The following CSMD1 variants were observed in gnomAD, a reference collection of about 807,000 sequenced individuals.
The protein encoded by CSMD1 is CUB and sushi domain-containing protein 1.
Under a neutral mutation model 417.5 loss-of-function variants are expected in CSMD1, and 213 were observed. That is an observed-to-expected ratio of 0.51 (90% CI 0.46 to 0.57). The LOEUF (loss-of-function observed/expected upper bound fraction) is 0.57. CSMD1 is among the 20% of genes least tolerant of loss of function. CSMD1 has a pLI of 0.00. For synonymous variants in CSMD1, 2,862 were observed against 1,736.8 expected (o/e 1.65, Z -16.11); for missense variants, 6,923 against 4,529.7 (o/e 1.53, Z -15.17).
chr8:4,974,154 T>G (rs1203035951), intron 1 of CSMD1, among the ~76,000 whole-genome samples: 2 of 151,832 alleles, frequency 1.3e-5, no homozygotes, highest in African/African-American at 2.4e-5. Context: ...GTAGCTGAGA[T>G]TACAGGCACA....
chr8:4,564,811 G>C (rs1302354840), intron 2 of CSMD1, among the ~76,000 whole-genome samples: 2 of 152,162 alleles, frequency 1.3e-5, no homozygotes, highest in Non-Finnish European at 2.9e-5. Flanking sequence ...AAAATATTTA[G>C]CTTTTTCACT....
At chr8:4,044,456 G>T (rs905873949) in intron 3 of CSMD1, among the ~76,000 whole-genome samples, 3 of 152,070 alleles carry the variant, frequency 2.0e-5, no homozygotes, top group Non-Finnish European at 2.9e-5. Context: ...TGCTTAACTC[G>T]ATTTAACTGG....
chr8:3,753,695 G>A (rs1017206264), intron 6 of CSMD1, among the ~76,000 whole-genome samples: 12 of 152,244 alleles, frequency 7.9e-5, no homozygotes, highest in Admixed American at 7.8e-4. Flanking sequence ...TTAAAACTTA[G>A]CAATTGTTCC....
At chr8:4,847,441 T>G (rs1047222470) in intron 1 of CSMD1, among the ~76,000 whole-genome samples, 1 of 152,196 alleles carries the variant, frequency 6.6e-6, no homozygotes, top group Admixed American at 6.5e-5. Flanking sequence ...ACAGAAAAAT[T>G]GTGTAGATTG....
At chr8:3,991,440 G>C (rs913052536) in intron 5 of CSMD1, among the ~76,000 whole-genome samples, 1 of 152,124 alleles carries the variant, frequency 6.6e-6, no homozygotes, top group Non-Finnish European at 1.5e-5. Flanking sequence ...GGTAACATCA[G>C]CTTGTCATTC....
chr8:4,799,938 G>C (rs1394351756), intron 1 of CSMD1, among the ~76,000 whole-genome samples: 1 of 152,034 alleles, frequency 6.6e-6, no homozygotes, highest in East Asian at 1.9e-4. Flanking sequence ...AGCGATGCAT[G>C]TACCCTCGAA....
chr8:3,850,289 C>T lies in CSMD1; in HGVS notation c.819-96247G>A, dbSNP rs560015694. On this transcript the variant is annotated intron_variant, in intron 5 of 69. Coordinates refer to ENST00000635120, the MANE Select transcript of CSMD1 (RefSeq NM_033225.6). ...AGAATCAATATGTGCACAGTGTTCTCTATTTTGGTTTCAATAGCTTTGTTT... is the reference window on the plus strand; with the variant it reads ...AGAATCAATATGTGCACAGTGTTCTTTATTTTGGTTTCAATAGCTTTGTTT... Among the ~76,000 whole-genome samples the T allele has an allele frequency of 2.0e-5, 3 of 152,312 alleles. No homozygotes were observed. In the South Asian group the frequency reaches 6.2e-4, roughly 32 times the overall value.
intron 23 of CSMD1, among the ~76,000 whole-genome samples, chr8:3,314,339 G>A (rs1805588784): frequency 1.3e-5 from 2 of 152,084 alleles, no homozygotes; most frequent in South Asian, 4.1e-4. Context: ...CCATTTTAAT[G>A]TGAATTTAAG....
Position 3,442,434 on chromosome 8 carries a change from C to T in CSMD1, c.1561+26278G>A, listed in dbSNP as rs148294080. Among the ~76,000 whole-genome samples, 666 of 152,158 alleles carry T rather than the reference C, an allele frequency of 4.4e-3. 2 individuals are homozygous for T. The highest frequency in any genetic ancestry group is 0.034 in the Middle Eastern group (10 of 294). On this transcript the variant is annotated intron_variant, in intron 12 of 69. Transcript: ENST00000635120. ...ATGGTAAGTACCTTATACAGATGTC[C>T]CACTTTTTTATCTCTTATACAGTGT...
chr8:3,939,046 A>T (rs1223348642), intron 5 of CSMD1, among the ~76,000 whole-genome samples: 1 of 152,100 alleles, frequency 6.6e-6, no homozygotes, highest in East Asian at 1.9e-4. Flanking sequence ...CATCATAGTA[A>T]TTATTGAGCC....
chr8:4,623,061 A>T (rs1201646423), intron 2 of CSMD1, among the ~76,000 whole-genome samples: 1 of 152,154 alleles, frequency 6.6e-6, no homozygotes, highest in Non-Finnish European at 1.5e-5. Flanking sequence ...TAAAAGGATA[A>T]ATGTTGGTGG....
chr8:3,865,250 T>A (rs1330849066), intron 5 of CSMD1, among the ~76,000 whole-genome samples: 2 of 152,152 alleles, frequency 1.3e-5, no homozygotes, highest in African/African-American at 4.8e-5. Context: ...ACCAACCAAG[T>A]AGGGACAGTA....
intron 3 of CSMD1, among the ~76,000 whole-genome samples, chr8:4,307,524 G>C (rs748251616): frequency 5.9e-5 from 9 of 152,076 alleles, no homozygotes; most frequent in African/African-American, 1.9e-4. Context: ...AACCATGCCT[G>C]GTCTGTTCAA....
At chr8:3,338,293 G>T (rs1226780052) in intron 23 of CSMD1, among the ~76,000 whole-genome samples, 1 of 152,168 alleles carries the variant, frequency 6.6e-6, no homozygotes, top group Non-Finnish European at 1.5e-5. Context: ...CGTGGGTGCT[G>T]GGCGTTTCTT....
chr8:4,564,877 G>C (rs185615903), intron 2 of CSMD1, among the ~76,000 whole-genome samples: 21 of 152,306 alleles, frequency 1.4e-4, no homozygotes, highest in Middle Eastern at 3.4e-3. Flanking sequence ...TCTGTGTCTT[G>C]TTTGTTTACG....
At chr8:3,003,730 A>G (rs1807630172) in intron 52 of CSMD1, among the ~76,000 whole-genome samples, 1 of 152,158 alleles carries the variant, frequency 6.6e-6, no homozygotes, top group South Asian at 2.1e-4. Flanking sequence ...CAGGCTGGGA[A>G]CGAGTGGAAG....
At chr8:4,821,817 AG>A (rs1420306192) in intron 1 of CSMD1, among the ~76,000 whole-genome samples, 1 of 152,156 alleles carries the variant, frequency 6.6e-6, no homozygotes, top group Non-Finnish European at 1.5e-5. Context: ...ACTAAATAAA[AG>A]CCAACAAACT....
chr8:3,293,844 C>T (rs925926290), intron 25 of CSMD1, among the ~76,000 whole-genome samples: 6 of 152,206 alleles, frequency 3.9e-5, no homozygotes, highest in African/African-American at 1.4e-4. Flanking sequence ...AGTCATTCTC[C>T]ATCCAGCTTT....
chr8:4,295,488 G>C (rs1041554436), intron 3 of CSMD1, among the ~76,000 whole-genome samples: 7 of 138,344 alleles, frequency 5.1e-5, no homozygotes, highest in Non-Finnish European at 1.1e-4. Context: ...ATAATCTTAA[G>C]ATTAAATATA....
Sources: allele counts gnomAD v4.1 joint callset (sites outside exome capture counted in the v4.1 genomes callset), GRCh38; gene constraint gnomAD v4.1.1; transcripts MANE v1.5; gene names NCBI Gene and HGNC (gene_info 2026-07-23, HGNC 2026-07-21).